GRM8: variants seen among roughly 807,000 people sequenced by gnomAD.
The protein encoded by GRM8 is metabotropic glutamate receptor 8.
In GRM8, 47 loss-of-function variants were observed where a neutral mutation model predicts 87.2. The ratio of observed to expected loss-of-function variants is 0.54; its 90% CI spans 0.43 to 0.69. GRM8 has a LOEUF of 0.69. GRM8 is among the 30% of genes least tolerant of loss of function. The pLI is 0.00. For missense variants in GRM8, 1,019 were observed against 1,139.2 expected, an observed-to-expected ratio of 0.89 and a Z score of 1.52; for synonymous variants, 396 against 404.5, an observed-to-expected ratio of 0.98 and a Z score of 0.25.
intron 9 of GRM8, among the ~76,000 whole-genome samples, chr7:126,451,278 C>T (rs890185343): frequency 5.9e-5 from 9 of 151,738 alleles, no homozygotes; most frequent in Non-Finnish European, 8.8e-5. Flanking sequence ...TCATTAATAC[C>T]GTGCTTCTAG....
At chr7:126,502,465 G>A (rs1448421853) in intron 9 of GRM8, among the ~76,000 whole-genome samples, 3 of 152,022 alleles carry the variant, frequency 2.0e-5, no homozygotes, top group African/African-American at 7.2e-5. Flanking sequence ...AAAAGTGTCT[G>A]CTATATACAA....
intron 8 of GRM8, among the ~76,000 whole-genome samples, chr7:126,592,137 T>C (rs1261933001): frequency 1.2e-5 from 1 of 85,216 alleles, no homozygotes; most frequent in East Asian, 3.4e-4. Flanking sequence ...ATCAATAATA[T>C]AAAGTCTCCC....
chr7:127,174,512 T>C (rs922650392), intron 2 of GRM8, among the ~76,000 whole-genome samples: 34 of 152,344 alleles, frequency 2.2e-4, no homozygotes, highest in African/African-American at 7.9e-4. Context: ...TTCTCTTTTT[T>C]AAAAACTATT....
At chr7:126,930,345 G>C (rs1017045635) in intron 3 of GRM8, among the ~76,000 whole-genome samples, 2 of 152,182 alleles carry the variant, frequency 1.3e-5, no homozygotes, top group Non-Finnish European at 2.9e-5. Context: ...AAAACAGCTA[G>C]AACAGTGGCT....
intron 3 of GRM8, among the ~76,000 whole-genome samples, chr7:126,930,119 A>G (rs1455873173): frequency 2.0e-5 from 3 of 152,200 alleles, no homozygotes; most frequent in African/African-American, 7.2e-5. Context: ...CAAAGCCCTT[A>G]CTGAGCTATA....
intron 9 of GRM8, among the ~76,000 whole-genome samples, chr7:126,473,024 G>T (rs1448617997): frequency 6.6e-6 from 1 of 152,202 alleles, no homozygotes; most frequent in East Asian, 1.9e-4. Context: ...GAGGTGTGCT[G>T]CAGGGATGGA....
chr7:126,558,989 G>A (rs906908954), intron 8 of GRM8, among the ~76,000 whole-genome samples: 1 of 152,062 alleles, frequency 6.6e-6, no homozygotes, highest in Non-Finnish European at 1.5e-5. Flanking sequence ...AGAGAGACGG[G>A]TACTGATGCA....
intron 8 of GRM8, among the ~76,000 whole-genome samples, chr7:126,600,211 A>C (rs1797596500): frequency 6.6e-6 from 1 of 152,144 alleles, no homozygotes; most frequent in Non-Finnish European, 1.5e-5. Context: ...GGTTGCTTTA[A>C]TAAATTAGAA....
intron 3 of GRM8, among the ~76,000 whole-genome samples, chr7:127,097,316 T>C (rs996767957): frequency 6.6e-6 from 1 of 152,094 alleles, no homozygotes. Context: ...TGGCAAATAA[T>C]ATTCAATAAC....
chr7:126,883,865 A>G (rs950150428), intron 6 of GRM8, among the ~76,000 whole-genome samples: 1 of 152,168 alleles, frequency 6.6e-6, no homozygotes, highest in Non-Finnish European at 1.5e-5. Context: ...GATTAGATAA[A>G]CTGATAATCA....
chr7:126,962,200 C>T (rs1809389393), intron 3 of GRM8, among the ~76,000 whole-genome samples: 1 of 152,150 alleles, frequency 6.6e-6, no homozygotes, highest in South Asian at 2.1e-4. Flanking sequence ...TATTTTCTCC[C>T]TTAACATCCC....
chr7:126,506,127 G>A (rs558099303), intron 9 of GRM8, among the ~76,000 whole-genome samples: 106 of 152,060 alleles, frequency 7.0e-4, no homozygotes, highest in African/African-American at 2.5e-3. Flanking sequence ...ACTTAGCATA[G>A]TATCCTCCAG....
At chr7:126,555,575 GT>G (rs1343721523) in intron 8 of GRM8, among the ~76,000 whole-genome samples, 1 of 152,152 alleles carries the variant, frequency 6.6e-6, no homozygotes, top group Non-Finnish European at 1.5e-5. Flanking sequence ...AATTTGTCCA[GT>G]TATTGTTTAT....
intron 3 of GRM8, among the ~76,000 whole-genome samples, chr7:126,913,342 G>C (rs1563310938): frequency 6.6e-6 from 1 of 152,170 alleles, no homozygotes; most frequent in Non-Finnish European, 1.5e-5. Flanking sequence ...GACAGACCTT[G>C]GTTTTGGTGT....
intron 2 of GRM8, among the ~76,000 whole-genome samples, chr7:127,115,514 A>G (rs560161829): frequency 6.6e-6 from 1 of 152,376 alleles, no homozygotes; most frequent in South Asian, 2.1e-4. Context: ...TGTTTTAGAA[A>G]GAAATGTAAT....
intron 8 of GRM8, among the ~76,000 whole-genome samples, chr7:126,600,477 C>T (rs1196619080): frequency 6.6e-6 from 1 of 152,090 alleles, no homozygotes; most frequent in Non-Finnish European, 1.5e-5. Context: ...GACTGTATAT[C>T]TTATACTGAT....
At chr7:126,919,836 C>T (rs1209053239) in intron 3 of GRM8, among the ~76,000 whole-genome samples, 2 of 152,090 alleles carry the variant, frequency 1.3e-5, no homozygotes, top group Non-Finnish European at 2.9e-5. Context: ...TGATACAACA[C>T]CCTTTCAATT....
chr7:127,097,623 A>C (rs1009459899), intron 3 of GRM8, among the ~76,000 whole-genome samples: 5 of 152,174 alleles, frequency 3.3e-5, no homozygotes, highest in Admixed American at 1.3e-4. Flanking sequence ...CATTCCTTTC[A>C]CTAGTAATAC....
chr7:126,882,798 C>G (rs1800141305), intron 6 of GRM8, among the ~76,000 whole-genome samples: 1 of 152,106 alleles, frequency 6.6e-6, no homozygotes, highest in Non-Finnish European at 1.5e-5. Flanking sequence ...ATTTCCTACT[C>G]AGGCATCCCA....
Sources: gnomAD v4.1 joint callset for allele counts (sites outside exome capture counted in the v4.1 genomes callset) on GRCh38, gnomAD v4.1.1 for gene constraint, MANE v1.5 for transcripts, NCBI Gene and HGNC (gene_info 2026-07-23, HGNC 2026-07-21) for gene names.